The following ADA variants were observed in gnomAD, a reference collection of about 807,000 sequenced individuals.
ADA encodes the protein adenosine deaminase, also known as adenosine aminohydrolase.
Under a neutral mutation model 49.0 loss-of-function variants are expected in ADA, and 45 were observed. The ratio of observed to expected loss-of-function variants is 0.92; its 90% CI spans 0.72 to 1.18. The LOEUF is 1.18. Among genes scored for constraint, ADA ranks in the 50% most tolerant of loss-of-function variants. The probability of loss-of-function intolerance (pLI) is 0.00; values close to 1 mark genes in which losing one functional copy is unlikely to be tolerated. For synonymous variants in ADA, 173 were observed against 184.2 expected (o/e 0.94, Z 0.49); for missense variants, 445 against 472.5 (o/e 0.94, Z 0.54).
chr20:44,643,507 T>C (rs368745680), intron 1 of ADA, among the ~76,000 whole-genome samples: 1 of 152,196 alleles, frequency 6.6e-6, no homozygotes, highest in African/African-American at 2.4e-5. Flanking sequence ...TATCGGCCCA[T>C]GTTACAGATG....
In ADA at chr20:44,629,114, C is replaced by G; in HGVS notation, c.151G>C (p.Gly51Arg). The G allele has an allele frequency of 1.2e-6, 2 of 1,614,226 alleles. No homozygotes were observed. Among genetic ancestry groups the G allele is most frequent in the Non-Finnish European group, 1.7e-6 (2 of 1,180,036 alleles). The change falls in exon 3 of 12, where the codon GGC becomes CGC. Residue 51 changes from glycine (G) to arginine (R), a missense_variant. Physicochemically the swap from Gly to Arg is moderately radical, Grantham distance 125. Transcript: ENST00000372874. ...GGAAGGGTGAGCGGCTTGTCCATGCCAATGACGTTCAGCAGCCCCTCTGCT... is the reference window on the plus strand; with the variant it reads ...GGAAGGGTGAGCGGCTTGTCCATGCGAATGACGTTCAGCAGCCCCTCTGCT... ...NTAEGLLNVI[G>R]MDKPLTLPDF...
Position 44,619,697 on chromosome 20 carries a change from GAC to G in ADA, c.*135_*136del. ...CGAGGTATACGTGTGTGCAGAAATG[GAC>G]ACATAGGGTTCAGGAGCATCAGTAA... On this transcript the variant is annotated 3_prime_UTR_variant, in exon 12 of 12. Coordinates refer to ENST00000372874, the MANE Select transcript of ADA (RefSeq NM_000022.4). 8.6e-7 allele frequency: 1 copy of G among 1,166,132 alleles called. No individual in the cohort carries two copies. Among genetic ancestry groups the G allele is most frequent in the South Asian group, 1.3e-5 (1 of 79,692 alleles). 72.2% of individuals were successfully genotyped at this position (1,166,132 alleles called of 1,614,324 possible). A position where few individuals can be genotyped will look rare whatever the true frequency, so the allele number is the denominator to read the frequency against.
chr20:44,634,371 C>A (rs962966284), intron 2 of ADA, among the ~76,000 whole-genome samples: 1 of 152,168 alleles, frequency 6.6e-6, no homozygotes, highest in Non-Finnish European at 1.5e-5. Flanking sequence ...GTGTGCTAGG[C>A]CCTGAACTAA....
rs143299253 is a variant in ADA at position 44,647,097 on chromosome 20, T to G, written c.33+4478A>C. 1.8e-3 allele frequency among the ~76,000 whole-genome samples: 276 copies of G among 152,162 alleles called. 6 individuals carry two copies. Among genetic ancestry groups the G allele is most frequent in the African/African-American group, 6.3e-3 (260 of 41,424 alleles). On this transcript the variant is annotated intron_variant, in intron 1 of 11. Coordinates refer to ENST00000372874, the MANE Select transcript of ADA (RefSeq NM_000022.4). ...GAGACAGAAAAGGCACATTGCTGAT[T>G]TAGCCCCAATTCCCCTCTGCATCAG...
At chr20:44,623,609 G>A (rs2065352831) in intron 6 of ADA, among the ~76,000 whole-genome samples, 1 of 151,310 alleles carries the variant, frequency 6.6e-6, no homozygotes, top group African/African-American at 2.5e-5. Context: ...AGCAGGCTCA[G>A]CACAGGACTC....
intron 6 of ADA, 99 bp downstream of exon 6, chr20:44,624,103 G>A (rs2065359262): frequency 1.3e-6 from 2 of 1,501,338 alleles, no homozygotes; most frequent in South Asian, 2.4e-5. Context: ...CAGAACTCAG[G>A]AGACACCATG....
chr20:44,631,958 C>T (rs1470498669), intron 2 of ADA, among the ~76,000 whole-genome samples: 1 of 152,222 alleles, frequency 6.6e-6, no homozygotes, highest in Non-Finnish European at 1.5e-5. Flanking sequence ...GCTCCTCCAT[C>T]TACCCAGCTG....
chr20:44,649,730 C>CTTTTTT (rs755647195), intron 1 of ADA, among the ~76,000 whole-genome samples: 22 of 81,876 alleles, frequency 2.7e-4, no homozygotes, highest in African/African-American at 9.5e-4. Flanking sequence ...ATCAAGGAGC[C>CTTTTTT]TTTTTTTTTT....
In ADA at chr20:44,626,492, T is replaced by C. The variant is rs764409246; in HGVS notation, c.326A>G (p.Asn109Ser). 7.4e-6 allele frequency: 12 copies of C among 1,613,976 alleles called. No individual in the cohort carries two copies. The highest frequency in any genetic ancestry group is 4.4e-5 in the South Asian group (4 of 91,070). The change falls in exon 4 of 12, where the codon AAC (asparagine) becomes AGC (serine). Residue 109 changes from asparagine to serine, a missense_variant. By Grantham distance (46) the Asn-to-Ser change is conservative (BLOSUM62 1). Coordinates refer to ENST00000372874, the MANE Select transcript of ADA (RefSeq NM_000022.4). ...CCAGGGGATTGGCTCCACTTTGGAG[T>C]TGGCCAGCAGGTGCGGACTGTACCG... The part of the protein sequence containing the change: ...EVRYSPHLLA[N>S]SKVEPIPWNQ...
Position 44,651,656 on chromosome 20 carries a change from G to C in ADA, c.-49C>G. 6.8e-7 allele frequency: 1 copy of C among 1,480,810 alleles called. No homozygotes were observed. Among genetic ancestry groups the C allele is most frequent in the African/African-American group, 1.5e-5 (1 of 68,078 alleles). The allele number at this position is 1,480,810 out of a possible 1,614,324, so 91.7% of individuals were successfully genotyped here. ...TGCTCCCTCCGCCGCCGCTCGGTGG[G>C]TCTCTGCCGGCTCGGTGGCCGCTCG... On this transcript the variant is annotated 5_prime_UTR_variant, in exon 1 of 12. Coordinates refer to ENST00000372874, the MANE Select transcript of ADA (RefSeq NM_000022.4).
intron 3 of ADA, among the ~76,000 whole-genome samples, chr20:44,627,387 TAGCC>T (rs1260655661): frequency 6.6e-6 from 1 of 152,120 alleles, no homozygotes; most frequent in Non-Finnish European, 1.5e-5. Flanking sequence ...TTCGCTGTGT[TAGCC>T]AGGATGGTCT....
At chr20:44,619,870 A>G in intron 11 of ADA, 23 bp from the exon 12 acceptor site, 2 of 1,614,152 alleles carry the variant, frequency 1.2e-6, no homozygotes, top group Non-Finnish European at 1.7e-6. Flanking sequence ...TCAGAGAAGC[A>G]AAAAGATCAG....
rs766894871 is a variant in ADA, at chr20:44,626,616, G to A, written c.219-17C>T. ...CGGCAGCCCCTGGGAAGGGAAGAAA[G>A]GGGTTGGGAACAACCTTCCCCAAGT... On this transcript the variant is annotated splice_polypyrimidine_tract_variant and intron_variant, in intron 3 of 11. Coordinates refer to ENST00000372874, the MANE Select transcript of ADA (RefSeq NM_000022.4). 2.5e-6 allele frequency: 4 copies of A among 1,613,754 alleles called. No individual in the cohort carries two copies. In the Admixed American group the frequency reaches 6.7e-5, roughly 27 times the overall value.
At chr20:44,633,543 G>A (rs2065452424) in intron 2 of ADA, among the ~76,000 whole-genome samples, 1 of 152,156 alleles carries the variant, frequency 6.6e-6, no homozygotes, top group African/African-American at 2.4e-5. Flanking sequence ...GGAATGAGCT[G>A]GGAAGACCAT....
In ADA at chr20:44,642,854, G is replaced by A. The variant is rs138706883; in HGVS notation, c.34-6566C>T. Reference sequence around the variant, plus strand: ...CGGGGCAGAAGCCAGACAGTGCCGGGGTGCAGAAGCTAGGGGTTCAGGGAG... The same window carrying A: ...CGGGGCAGAAGCCAGACAGTGCCGGAGTGCAGAAGCTAGGGGTTCAGGGAG... On this transcript the variant is annotated intron_variant, in intron 1 of 11. Coordinates refer to ENST00000372874, the MANE Select transcript of ADA (RefSeq NM_000022.4). 7.3e-4 allele frequency among the ~76,000 whole-genome samples: 111 copies of A among 152,296 alleles called. 1 individual carries two copies. Among genetic ancestry groups the A allele is most frequent in the African/African-American group, 2.6e-3 (108 of 41,566 alleles).
At chr20:44,638,846 C>A (rs1329501959) in intron 1 of ADA, among the ~76,000 whole-genome samples, 1 of 152,058 alleles carries the variant, frequency 6.6e-6, no homozygotes, top group South Asian at 2.1e-4. Flanking sequence ...TGAGCCTGAG[C>A]GAAAAGCTAG....
At chr20:44,642,271 G>A (rs190753642) in intron 1 of ADA, among the ~76,000 whole-genome samples, 63 of 152,278 alleles carry the variant, frequency 4.1e-4, no homozygotes, top group Non-Finnish European at 7.6e-4. Flanking sequence ...TCAGACCTGG[G>A]GGCTGTTTGT....
chr20:44,622,398 C>T (rs947657197), intron 9 of ADA, among the ~76,000 whole-genome samples, 190 bp downstream of exon 9: 1 of 152,210 alleles, frequency 6.6e-6, no homozygotes, highest in African/African-American at 2.4e-5. Context: ...TAATCCCAGT[C>T]AAGCCACAGC....
At chr20:44,628,210 C>T (rs1013953268) in intron 3 of ADA, among the ~76,000 whole-genome samples, 2 of 152,158 alleles carry the variant, frequency 1.3e-5, no homozygotes, top group Non-Finnish European at 2.9e-5. Flanking sequence ...AAGGGGTCAC[C>T]AGAAGTTCTT....
Sources: allele counts gnomAD v4.1 joint callset (sites outside exome capture counted in the v4.1 genomes callset), GRCh38; gene constraint gnomAD v4.1.1; transcripts MANE v1.5; gene names NCBI Gene and HGNC (gene_info 2026-07-23, HGNC 2026-07-21).